Variants in SCN1A observed in about 807,000 individuals in gnomAD.
The protein encoded by SCN1A is sodium voltage-gated channel alpha subunit 1, also known as sodium channel protein type 1 subunit alpha.
A neutral mutation model predicts 193.7 loss-of-function variants in SCN1A; 13 were observed. That is an observed-to-expected ratio of 0.07 (90% CI 0.04 to 0.11). SCN1A has a LOEUF of 0.11. Ranked by LOEUF, SCN1A falls within the 10% of genes least tolerant of loss-of-function variation. SCN1A has a pLI of 1.00. For missense variants in SCN1A, 1,432 were observed against 2,451.1 expected (o/e 0.58, Z 8.78); for synonymous variants, 781 against 843.6 (o/e 0.93, Z 1.29).
intron 7 of SCN1A, 66 bp downstream of exon 7, chr2:166,054,572 A>G: frequency 1.3e-6 from 2 of 1,529,826 alleles, no homozygotes. Context: ...ACCTATTCTT[A>G]AAAGCATAAG....
chr2:165,998,565 T>C (rs1301144080), intron 25 of SCN1A, among the ~76,000 whole-genome samples: 1 of 151,350 alleles, frequency 6.6e-6, no homozygotes, highest in African/African-American at 2.4e-5. Flanking sequence ...CATGAAATAA[T>C]GTAGCAAATA....
intron 2 of SCN1A, among the ~76,000 whole-genome samples, chr2:166,101,586 C>G (rs1418530494): frequency 6.6e-6 from 1 of 151,146 alleles, no homozygotes; most frequent in African/African-American, 2.4e-5. Context: ...ACACATACGA[C>G]GTTCTGATCT....
chr2:166,140,836 G>A (rs7562616), intron 1 of SCN1A, among the ~76,000 whole-genome samples: 122,391 of 151,640 alleles, frequency 0.81, 49,988 homozygotes, highest in African/African-American at 0.94. Context: ...CACGGACCGC[G>A]CAAAACCAGG....
At chr2:166,112,933 T>G (rs1275828043) in intron 2 of SCN1A, among the ~76,000 whole-genome samples, 1 of 152,174 alleles carries the variant, frequency 6.6e-6, no homozygotes, top group Non-Finnish European at 1.5e-5. Flanking sequence ...ACCCTATACT[T>G]TCTGCTATAT....
At chr2:166,082,058 C>T (rs185397488) in intron 2 of SCN1A, among the ~76,000 whole-genome samples, 2 of 151,888 alleles carry the variant, frequency 1.3e-5, no homozygotes, top group East Asian at 3.9e-4. Flanking sequence ...GCAGACAAGA[C>T]CTAGTTTACC....
chr2:166,128,934 C>T (rs910740022), upstream of SCN1A, among the ~76,000 whole-genome samples: 52 of 152,172 alleles, frequency 3.4e-4, no homozygotes, highest in African/African-American at 1.1e-3. Flanking sequence ...ATGGAATCAG[C>T]CTTAAACATT....
At chr2:165,985,264 T>A (rs1326278197), downstream of SCN1A, 1 of 145,848 alleles carries the variant, frequency 6.9e-6, no homozygotes, top group East Asian at 2.0e-4. Context: ...AAGTATGGAT[T>A]GAAGGAAGGA....
chr2:166,081,255 C>G (rs541392628), intron 2 of SCN1A, among the ~76,000 whole-genome samples: 1 of 151,936 alleles, frequency 6.6e-6, no homozygotes, highest in African/African-American at 2.4e-5. Context: ...TTTCTCCAGT[C>G]AAACAAATAT....
chr2:166,009,952 G>T, intron 22 of SCN1A, 111 bp from the exon 23 acceptor site: 2 of 1,036,618 alleles, frequency 1.9e-6, no homozygotes, highest in Non-Finnish European at 2.9e-6. Context: ...GAGGATAAAT[G>T]TTCAGACATT....
rs56754104 is a variant in SCN1A, at chr2:166,103,449, T to TTAAATAAA, written c.-142+23467_-142+23474dup. ...CTGGGTGACAAAGCAAGACTCTGTCTTAAATAAATAAATAAATAAATAAAT... is the reference window on the plus strand; with the variant it reads ...CTGGGTGACAAAGCAAGACTCTGTCTTAAATAAATAAATAAATAAATAAATAAATAAAT... On this transcript the variant is annotated intron_variant, in intron 2 of 28. Coordinates refer to ENST00000674923, the MANE Select transcript of SCN1A (RefSeq NM_001165963.4). Among the ~76,000 whole-genome samples the TTAAATAAA allele has an allele frequency of 2.3e-3, 334 of 142,986 alleles. 3 individuals are homozygous for TTAAATAAA. Among genetic ancestry groups the TTAAATAAA allele is most frequent in the African/African-American group, 4.8e-3 (184 of 38,226 alleles). The allele number at this position is 142,986 out of a possible 152,430, so 93.8% of individuals were successfully genotyped here. A position where few individuals can be genotyped will look rare whatever the true frequency, so the allele number is the denominator to read the frequency against.
intron 24 of SCN1A, chr2:166,000,196 G>A (rs1402698568): frequency 5.1e-6 from 1 of 194,460 alleles, no homozygotes; most frequent in African/African-American, 2.3e-5. Context: ...TGATCAAAGT[G>A]ATTGAAAATT....
intron 2 of SCN1A, among the ~76,000 whole-genome samples, chr2:166,101,237 T>C (rs1397017216): frequency 6.6e-6 from 1 of 151,674 alleles, no homozygotes; most frequent in African/African-American, 2.4e-5. Flanking sequence ...GAAATCATCA[T>C]TCTCTGTAAA....
At chr2:165,993,529 G>A (rs1351783252) in intron 28 of SCN1A, 1 of 152,384 alleles carries the variant, frequency 6.6e-6, no homozygotes, top group Non-Finnish European at 1.5e-5. Context: ...GGCTAGTTAT[G>A]TGTTCCAGGC....
At chr2:166,075,784 A>G (rs113079795) in intron 3 of SCN1A, among the ~76,000 whole-genome samples, 2 of 152,140 alleles carry the variant, frequency 1.3e-5, no homozygotes, top group African/African-American at 4.8e-5. Flanking sequence ...TATTCTCCTG[A>G]CAGCAATGTA....
intron 19 of SCN1A, among the ~76,000 whole-genome samples, chr2:166,026,058 C>T (rs922230201): frequency 2.6e-5 from 4 of 152,000 alleles, no homozygotes; most frequent in African/African-American, 9.6e-5. Flanking sequence ...CCCTATATGC[C>T]AGCTATTTTA....
chr2:166,024,821 G>A (rs1016991325), intron 19 of SCN1A, among the ~76,000 whole-genome samples: 4 of 151,938 alleles, frequency 2.6e-5, no homozygotes, highest in South Asian at 2.1e-4. Flanking sequence ...CACCACACCC[G>A]GCTAATTTTT....
Position 165,991,231 on chromosome 2 carries a change from T to G in SCN1A, c.*14A>C. 6.3e-7 allele frequency: 1 copy of G among 1,596,690 alleles called. No homozygotes were observed. Among genetic ancestry groups the G allele is most frequent in the South Asian group, 1.1e-5 (1 of 89,462 alleles). On this transcript the variant is annotated 3_prime_UTR_variant, in exon 29 of 29. Coordinates refer to ENST00000674923, the MANE Select transcript of SCN1A (RefSeq NM_001165963.4). ...TAAACAATTTGTCACCCAATTATTT[T>G]TATTTATTTTCATTTATTTCCCTTT...
At chr2:166,114,008 T>C (rs962876645) in intron 2 of SCN1A, among the ~76,000 whole-genome samples, 6 of 152,196 alleles carry the variant, frequency 3.9e-5, no homozygotes, top group African/African-American at 1.4e-4. Flanking sequence ...AACAAACCTG[T>C]AACTATTCAT....
At chr2:166,073,743 A>G (rs1158287682) in intron 3 of SCN1A, 73 bp from the exon 4 acceptor site, 1 of 1,121,626 alleles carries the variant, frequency 8.9e-7, no homozygotes, top group African/African-American at 1.6e-5. Context: ...TCTTGTCATG[A>G]AACATGAGCT....
Sources: allele counts gnomAD v4.1 joint callset (sites outside exome capture counted in the v4.1 genomes callset), GRCh38; gene constraint gnomAD v4.1.1; transcripts MANE v1.5; gene names NCBI Gene and HGNC (gene_info 2026-07-23, HGNC 2026-07-21).